OLAH: variants seen among roughly 807,000 people sequenced by gnomAD.
The protein encoded by OLAH is oleoyl-ACP hydrolase, also known as S-acyl fatty acid synthase thioesterase, medium chain.
A neutral mutation model predicts 27.8 loss-of-function variants in OLAH; 33 were observed. That is an observed-to-expected ratio of 1.19 (90% CI 0.90 to 1.59). The LOEUF (loss-of-function observed/expected upper bound fraction) is 1.59, where lower values mean the gene tolerates loss of function less well. Among genes scored for constraint, OLAH ranks in the 40% most tolerant of loss-of-function variants. OLAH has a pLI of 0.00. For missense variants in OLAH, 359 were observed against 310.8 expected, an observed-to-expected ratio of 1.16 and a Z score of -1.17; for synonymous variants, 120 against 102.9, an observed-to-expected ratio of 1.17 and a Z score of -1.01.
chr10:15,036,979 T>C (rs1469899278), intron 1 of OLAH, among the ~76,000 whole-genome samples: 1 of 151,906 alleles, frequency 6.6e-6, no homozygotes, highest in Non-Finnish European at 1.5e-5. Flanking sequence ...CTCCGGAGGC[T>C]GAGGCAGGAG....
intron 4 of OLAH, among the ~76,000 whole-genome samples, chr10:15,062,779 C>T (rs1844394000): frequency 6.6e-6 from 1 of 150,790 alleles, no homozygotes; most frequent in Non-Finnish European, 1.5e-5. Flanking sequence ...CACTGTGTCA[C>T]CCACGCTGGA....
intron 7 of OLAH, 116 bp from the exon 8 acceptor site, chr10:15,072,971 T>G: frequency 1.1e-6 from 1 of 916,546 alleles, no homozygotes; most frequent in South Asian, 1.5e-5. Flanking sequence ...ACCTAGAACA[T>G]AAGGCCTTGA....
intron 4 of OLAH, among the ~76,000 whole-genome samples, chr10:15,063,634 G>C (rs933078094): frequency 6.6e-6 from 1 of 152,126 alleles, no homozygotes; most frequent in African/African-American, 2.4e-5. Context: ...CTTTTAAGAT[G>C]CATTGAGGAA....
intron 3 of OLAH, among the ~76,000 whole-genome samples, chr10:15,058,876 TCCTACCC>T (rs1326578399): frequency 6.6e-6 from 1 of 151,832 alleles, no homozygotes; most frequent in African/African-American, 2.4e-5. Flanking sequence ...TTCCCTCCCT[TCCTACCC>T]CCTAGTATTG....
intron 6 of OLAH, among the ~76,000 whole-genome samples, chr10:15,069,918 C>G (rs1015267020): frequency 6.6e-6 from 1 of 152,110 alleles, no homozygotes; most frequent in Middle Eastern, 3.2e-3. Context: ...CTCCATCTAA[C>G]ACACCGTTCT....
chr10:15,073,058 T>C (rs763913291), intron 7 of OLAH, 29 bp from the exon 8 acceptor site: 1 of 1,604,124 alleles, frequency 6.2e-7, no homozygotes, highest in Non-Finnish European at 8.5e-7. Context: ...GTTGGTGTTG[T>C]TATTGAATAC....
Position 15,073,167 on chromosome 10 carries a change from G to A in OLAH, c.736G>A (p.Glu246Lys), listed in dbSNP as rs1343008369. The change falls in exon 8 of 8, where the codon GAG becomes AAG. Residue 246 changes from glutamate to lysine, a missense_variant. Transcript: ENST00000378228. ...GHFYLLDPAN[E>K]KLIKNYIIKC... Reference sequence around the variant, plus strand: ...CTTTTATCTTCTGGATCCTGCGAACGAGAAATTAATCAAGAACTACATAAT... The same window carrying A: ...CTTTTATCTTCTGGATCCTGCGAACAAGAAATTAATCAAGAACTACATAAT... The A allele has an allele frequency of 6.2e-6, 10 of 1,610,860 alleles. No individual in the cohort carries two copies. The highest frequency in any genetic ancestry group is 1.3e-5 in the African/African-American group (1 of 74,814).
intron 3 of OLAH, among the ~76,000 whole-genome samples, chr10:15,060,394 T>A (rs1844339868): frequency 6.6e-6 from 1 of 152,130 alleles, no homozygotes; most frequent in African/African-American, 2.4e-5. Context: ...GGTCTTGAAC[T>A]CCTGACTTCA....
intron 2 of OLAH, 65 bp downstream of exon 2, chr10:15,047,385 T>C (rs2131341937): frequency 6.7e-7 from 1 of 1,486,526 alleles, no homozygotes; most frequent in South Asian, 1.2e-5. Flanking sequence ...CCTGCCTTTG[T>C]ACGGCTCCCT....
chr10:15,044,294 A>G (rs1477435021), intron 1 of OLAH, among the ~76,000 whole-genome samples: 1 of 152,086 alleles, frequency 6.6e-6, no homozygotes, highest in Non-Finnish European at 1.5e-5. Flanking sequence ...GTCTGTTTCT[A>G]TTCTTCTAAG....
Position 15,073,215 on chromosome 10 carries a change from A to G in OLAH, c.784A>G (p.Ile262Val). 1.3e-6 allele frequency: 2 copies of G among 1,584,362 alleles called. No homozygotes were observed. The highest frequency in any genetic ancestry group is 1.7e-4 in the Middle Eastern group (1 of 5,988). Residue 262 changes from isoleucine (I) to valine (V), a missense_variant, in exon 8 of 8, where the codon ATA (isoleucine) becomes GTA (valine). Ile to Val is a conservative substitution (Grantham distance 29, BLOSUM62 3). Coordinates refer to ENST00000378228, the MANE Select transcript of OLAH (RefSeq NM_001039702.3). ...AATCAAGTGTCTAGAAGTATCATCGATATCCAATTTTTAGATATTTTCCCT... is the reference window on the plus strand; with the variant it reads ...AATCAAGTGTCTAGAAGTATCATCGGTATCCAATTTTTAGATATTTTCCCT... ...YIIKCLEVSSISNF is the reference protein window; with the variant it reads ...YIIKCLEVSSVSNF
At chr10:15,072,004 G>C (rs575510912) in intron 7 of OLAH, 127 bp downstream of exon 7, 17 of 623,842 alleles carry the variant, frequency 2.7e-5, no homozygotes, top group Non-Finnish European at 4.8e-5. Flanking sequence ...CGCAATCTCA[G>C]CTCATTGCAA....
At chr10:15,054,065 G>T (rs1464677084) in intron 3 of OLAH, among the ~76,000 whole-genome samples, 1 of 143,156 alleles carries the variant, frequency 7.0e-6, no homozygotes, top group Non-Finnish European at 1.5e-5. Flanking sequence ...TTGAGATGGA[G>T]TCTCGCTCTG....
chr10:15,058,121 A>G (rs750797930), intron 3 of OLAH, among the ~76,000 whole-genome samples: 9 of 152,236 alleles, frequency 5.9e-5, no homozygotes, highest in Non-Finnish European at 1.2e-4. Context: ...ATATTGATCC[A>G]TGAGTGAGAT....
intron 6 of OLAH, chr10:15,071,489 T>C (rs1844585674): frequency 1.0e-6 from 1 of 983,144 alleles, no homozygotes; most frequent in Admixed American, 6.2e-5. Context: ...AAAGAGGTCT[T>C]CGTTTCTGAT....
upstream of OLAH, among the ~76,000 whole-genome samples, chr10:15,043,549 A>G (rs1843959683): frequency 6.9e-6 from 1 of 145,744 alleles, no homozygotes; most frequent in East Asian, 2.0e-4. Flanking sequence ...TCTCAGGCTC[A>G]CTGCAACCTC....
upstream of OLAH, among the ~76,000 whole-genome samples, chr10:15,042,921 C>T (rs897309382): frequency 1.1e-4 from 13 of 123,644 alleles, no homozygotes; most frequent in Non-Finnish European, 1.7e-4. Context: ...AGTGCAGTGG[C>T]GTGATCTCCG....
intron 6 of OLAH, among the ~76,000 whole-genome samples, chr10:15,066,281 A>C (rs1355315706): frequency 2.6e-5 from 4 of 152,142 alleles, no homozygotes; most frequent in African/African-American, 9.6e-5. Context: ...TTTTCTTTAA[A>C]AAATATATGA....
chr10:15,035,727 A>G (rs892377417), intron 1 of OLAH, among the ~76,000 whole-genome samples: 1 of 152,276 alleles, frequency 6.6e-6, no homozygotes, highest in East Asian at 1.9e-4. Flanking sequence ...GGGGCTCTGC[A>G]TTGGGACGCC....
Sources: gnomAD v4.1 joint callset for allele counts (sites outside exome capture counted in the v4.1 genomes callset) on GRCh38, gnomAD v4.1.1 for gene constraint, MANE v1.5 for transcripts, NCBI Gene and HGNC (gene_info 2026-07-23, HGNC 2026-07-21) for gene names.